DGCR2: variants seen among roughly 807,000 people sequenced by gnomAD.
The protein encoded by DGCR2 is DiGeorge syndrome critical region gene 2, also known as integral membrane protein DGCR2/IDD.
In DGCR2, 24 loss-of-function variants were observed where a neutral mutation model predicts 51.6. The observed-to-expected ratio is 0.47, with a 90% CI of 0.34 to 0.65. The LOEUF is 0.65. DGCR2 is among the 30% of genes least tolerant of loss of function. The pLI, the probability that DGCR2 is intolerant of heterozygous loss-of-function variation, is 0.01. For missense variants in DGCR2, 765 were observed against 772.1 expected, an observed-to-expected ratio of 0.99 and a Z score of 0.11; for synonymous variants, 340 against 315.4, an observed-to-expected ratio of 1.08 and a Z score of -0.82.
At chr22:19,081,425 C>T (rs2082935459) in intron 2 of DGCR2, among the ~76,000 whole-genome samples, 1 of 152,178 alleles carries the variant, frequency 6.6e-6, no homozygotes, top group African/African-American at 2.4e-5. Context: ...TAGCAACTTG[C>T]TTTTAGCTGA....
chr22:19,040,656 G>C (rs910967756), intron 9 of DGCR2, among the ~76,000 whole-genome samples: 1 of 152,206 alleles, frequency 6.6e-6, no homozygotes, highest in African/African-American at 2.4e-5. Flanking sequence ...TGTCACCATG[G>C]TGTCTCTAGC....
At chr22:19,097,153 C>A (rs1038593552) in intron 1 of DGCR2, among the ~76,000 whole-genome samples, 9 of 152,092 alleles carry the variant, frequency 5.9e-5, no homozygotes, top group African/African-American at 1.7e-4. Flanking sequence ...CCCCCATGCA[C>A]CACATCCACC....
intron 6 of DGCR2, among the ~76,000 whole-genome samples, chr22:19,051,773 GAAC>G (rs1162617259): frequency 6.6e-6 from 1 of 152,134 alleles, no homozygotes; most frequent in Non-Finnish European, 1.5e-5. Flanking sequence ...AGAATAATGT[GAAC>G]AACAGAGAAT....
intron 2 of DGCR2, among the ~76,000 whole-genome samples, chr22:19,084,591 C>A (rs1408052660): frequency 6.8e-6 from 1 of 148,016 alleles, no homozygotes; most frequent in African/African-American, 2.5e-5. Context: ...AAGTGAGGAG[C>A]CCCTCCGCCC....
intron 2 of DGCR2, among the ~76,000 whole-genome samples, chr22:19,078,672 A>C (rs1452124663): frequency 6.6e-6 from 1 of 152,188 alleles, no homozygotes. Context: ...TCAGTCTTTG[A>C]CCACTGACTG....
intron 6 of DGCR2, among the ~76,000 whole-genome samples, chr22:19,054,153 G>A (rs1289088764): frequency 6.6e-6 from 1 of 152,224 alleles, no homozygotes; most frequent in Admixed American, 6.5e-5. Flanking sequence ...CTGTATCCAT[G>A]CTAAGTGTTC....
intron 5 of DGCR2, among the ~76,000 whole-genome samples, 190 bp downstream of exon 5, chr22:19,063,012 C>T (rs1319503702): frequency 2.0e-5 from 3 of 152,152 alleles, no homozygotes; most frequent in Admixed American, 6.5e-5. Flanking sequence ...CAGCCACCGC[C>T]CAATGCAGGG....
intron 5 of DGCR2, among the ~76,000 whole-genome samples, chr22:19,062,599 G>T (rs763564219): frequency 6.6e-6 from 1 of 152,154 alleles, no homozygotes; most frequent in Non-Finnish European, 1.5e-5. Context: ...GCTGGAGAAG[G>T]CACTGCTGGA....
intron 2 of DGCR2, 37 bp downstream of exon 2, chr22:19,089,331 C>T (rs372375971): frequency 2.4e-5 from 37 of 1,540,612 alleles, no homozygotes; most frequent in Non-Finnish European, 3.1e-5. Flanking sequence ...AACAAAGAGA[C>T]AAGGTGGTGT....
chr22:19,079,037 T>C (rs1000754842), intron 2 of DGCR2, among the ~76,000 whole-genome samples: 1 of 152,228 alleles, frequency 6.6e-6, no homozygotes, highest in Non-Finnish European at 1.5e-5. Flanking sequence ...TATTTCCTCA[T>C]GATTCAGTCT....
rs1161665397 is a variant in DGCR2 at position 19,037,041 on chromosome 22, A to C, written c.*1824T>G. On this transcript the variant is annotated 3_prime_UTR_variant, in exon 10 of 10. Coordinates refer to ENST00000263196, the MANE Select transcript of DGCR2 (RefSeq NM_005137.3). ...ACTGGCCACCTGGCACCCATAATGC[A>C]CATGCCTGCTGCTCTGGAACCTGGC... 6.6e-6 allele frequency: 1 copy of C among 152,408 alleles called. No individual in the cohort carries two copies. Among genetic ancestry groups the C allele is most frequent in the Non-Finnish European group, 1.5e-5 (1 of 68,220 alleles). 9.4% of individuals were successfully genotyped at this position (152,408 alleles called of 1,614,324 possible).
At chr22:19,106,409 G>A (rs946149804) in intron 1 of DGCR2, among the ~76,000 whole-genome samples, 3 of 152,178 alleles carry the variant, frequency 2.0e-5, no homozygotes, top group African/African-American at 7.2e-5. Flanking sequence ...ACCTGCCACT[G>A]CGTCTCAGCA....
chr22:19,054,152 T>C (rs1366212951), intron 6 of DGCR2, among the ~76,000 whole-genome samples: 2 of 152,230 alleles, frequency 1.3e-5, no homozygotes, highest in African/African-American at 4.8e-5. Flanking sequence ...ACTGTATCCA[T>C]GCTAAGTGTT....
intron 1 of DGCR2, among the ~76,000 whole-genome samples, chr22:19,113,382 TA>T (rs10709293): frequency 0.36 from 51,980 of 142,570 alleles, 11,548 homozygotes; most frequent in African/African-American, 0.65. Flanking sequence ...AAAATAAAAA[TA>T]AAAAAAAAAA....
At chr22:19,074,394 T>A (rs1293698343) in intron 2 of DGCR2, among the ~76,000 whole-genome samples, 1 of 142,140 alleles carries the variant, frequency 7.0e-6, no homozygotes, top group Non-Finnish European at 1.5e-5. Context: ...CACTCCAGCC[T>A]GGGCCACAGA....
intron 1 of DGCR2, among the ~76,000 whole-genome samples, chr22:19,091,632 CT>C (rs1327904487): frequency 6.6e-6 from 1 of 152,136 alleles, no homozygotes; most frequent in African/African-American, 2.4e-5. Context: ...CCAGCAAGGG[CT>C]GGGCGTGGTG....
chr22:19,064,762 G>A (rs2082728464), intron 4 of DGCR2, 86 bp downstream of exon 4: 1 of 1,310,872 alleles, frequency 7.6e-7, no homozygotes, highest in Non-Finnish European at 1.1e-6. Context: ...CTGTGCTCCA[G>A]GAGTTTACTG....
chr22:19,065,307 T>G (rs1366000658), intron 3 of DGCR2: 1 of 531,334 alleles, frequency 1.9e-6, no homozygotes, highest in Non-Finnish European at 3.4e-6. Flanking sequence ...ATAAGATCTT[T>G]TAATTTATTC....
At chr22:19,109,870 A>T (rs567328434) in intron 1 of DGCR2, among the ~76,000 whole-genome samples, 156 of 152,384 alleles carry the variant, frequency 1.0e-3, no homozygotes, top group African/African-American at 3.7e-3. Flanking sequence ...CCTAAGGATA[A>T]TATTACAACT....
Sources: allele counts gnomAD v4.1 joint callset (sites outside exome capture counted in the v4.1 genomes callset), GRCh38; gene constraint gnomAD v4.1.1; transcripts MANE v1.5; gene names NCBI Gene and HGNC (gene_info 2026-07-23, HGNC 2026-07-21).